The following CDH6 variants were observed in gnomAD, a reference collection of about 807,000 sequenced individuals.
CDH6 encodes the protein cadherin-6.
CDH6 carries 31 observed loss-of-function variants against 78.0 expected under a neutral mutation model. That is an observed-to-expected ratio of 0.40 (90% CI 0.30 to 0.54). The LOEUF is 0.54. CDH6 is among the 20% of genes least tolerant of loss of function. The pLI is 0.56. For synonymous variants in CDH6, 376 were observed against 368.8 expected (o/e 1.02, Z -0.23); for missense variants, 724 against 975.9 (o/e 0.74, Z 3.44).
chr5:31,279,853 C>T (rs962153043), intron 2 of CDH6, among the ~76,000 whole-genome samples: 4 of 152,138 alleles, frequency 2.6e-5, no homozygotes, highest in Non-Finnish European at 4.4e-5. Flanking sequence ...TCTGTCTATC[C>T]TCCCAACCAC....
intron 2 of CDH6, 132 bp from the exon 3 acceptor site, chr5:31,293,830 T>TA (rs200606558): frequency 0.13 from 53,412 of 416,698 alleles, 43 homozygotes; most frequent in Middle Eastern, 0.16. Flanking sequence ...ACGTAAATAG[T>TA]AAAAAAAAAA....
chr5:31,297,421 G>T lies in CDH6; in HGVS notation c.643+13G>T, dbSNP rs748813039. ...GAATCAGAAACAGGTTAGACTTTTT[G>T]ATCTTCCTTTTTATAATCTATAATT... On this transcript the variant is annotated intron_variant, in intron 4 of 11. Transcript: ENST00000265071. 1 of 1,578,732 alleles carries T rather than the reference G, an allele frequency of 6.3e-7. No individual in the cohort carries two copies. The highest frequency in any genetic ancestry group is 2.2e-5 in the East Asian group (1 of 44,548).
intron 1 of CDH6, among the ~76,000 whole-genome samples, chr5:31,264,167 G>A (rs2149931733): frequency 6.6e-6 from 1 of 152,246 alleles, no homozygotes; most frequent in South Asian, 2.1e-4. Flanking sequence ...GATTTTTCAA[G>A]TGTTTCTATT....
At chr5:31,320,598 A>T (rs1738454902) in intron 11 of CDH6, among the ~76,000 whole-genome samples, 2 of 152,156 alleles carry the variant, frequency 1.3e-5, no homozygotes, top group African/African-American at 4.8e-5. Flanking sequence ...TATGAAAGGT[A>T]GATCATGAGC....
At chr5:31,276,802 A>G (rs1039139318) in intron 2 of CDH6, among the ~76,000 whole-genome samples, 1 of 152,200 alleles carries the variant, frequency 6.6e-6, no homozygotes, top group Non-Finnish European at 1.5e-5. Context: ...CGATTCCTCA[A>G]CTGTTAAATG....
At chr5:31,214,142 A>G (rs866024160) in intron 1 of CDH6, among the ~76,000 whole-genome samples, 1 of 143,180 alleles carries the variant, frequency 7.0e-6, no homozygotes, top group South Asian at 2.1e-4. Flanking sequence ...CTGTGCCTTA[A>G]AAAAAAAAAA....
At chr5:31,208,114 G>C (rs1740587398) in intron 1 of CDH6, among the ~76,000 whole-genome samples, 1 of 152,228 alleles carries the variant, frequency 6.6e-6, no homozygotes, top group Non-Finnish European at 1.5e-5. Flanking sequence ...AGCTGTGACA[G>C]TTTAGCATTT....
At chr5:31,201,635 C>A (rs561512933) in intron 1 of CDH6, among the ~76,000 whole-genome samples, 2 of 152,056 alleles carry the variant, frequency 1.3e-5, no homozygotes, top group Non-Finnish European at 2.9e-5. Flanking sequence ...AATGTCAATC[C>A]TCTCCCCTTT....
At chr5:31,238,672 A>G (rs1741518739) in intron 1 of CDH6, among the ~76,000 whole-genome samples, 2 of 152,226 alleles carry the variant, frequency 1.3e-5, no homozygotes, top group Admixed American at 1.3e-4. Context: ...GAGATATTTT[A>G]CTTTGTTTTG....
intron 6 of CDH6, among the ~76,000 whole-genome samples, chr5:31,302,954 A>AGAAAGAAAGAAAGAAAGAAAGAAAGAAG (rs1491181731): frequency 1.8e-4 from 23 of 129,780 alleles, no homozygotes; most frequent in African/African-American, 5.9e-4. Context: ...AAAGAAAGAA[A>AGAAAGAAAGAAAGAAAGAAAGAAAGAAG]GAAGGAAAGA....
intron 1 of CDH6, among the ~76,000 whole-genome samples, chr5:31,202,550 C>T (rs889938452): frequency 1.3e-4 from 20 of 152,014 alleles, no homozygotes; most frequent in African/African-American, 1.9e-4. Flanking sequence ...GAGGGAGAAT[C>T]GCTGGAACCC....
At chr5:31,311,295 G>A (rs1418107169) in intron 7 of CDH6, among the ~76,000 whole-genome samples, 1 of 152,198 alleles carries the variant, frequency 6.6e-6, no homozygotes, top group Admixed American at 6.6e-5. Flanking sequence ...AGCAAAGCAA[G>A]AGTGACCTTT....
Position 31,267,438 on chromosome 5 carries a change from G to T in CDH6, c.-36G>T, listed in dbSNP as rs779691971. ...TGAAAAAGGCACTTCCAAGAGTGGG[G>T]CACTCACTACGCACAGACTCGACGG... is the stretch of plus-strand genomic sequence containing the variant. On this transcript the variant is annotated 5_prime_UTR_variant, in exon 2 of 12. Transcript: ENST00000265071. The T allele has an allele frequency of 2.7e-6, 4 of 1,501,670 alleles. No individual in the cohort carries two copies. The highest frequency in any genetic ancestry group is 2.3e-5 in the East Asian group (1 of 44,286). 93.0% of individuals were successfully genotyped at this position (1,501,670 alleles called of 1,614,324 possible).
At chr5:31,201,739 C>T (rs1280598216) in intron 1 of CDH6, among the ~76,000 whole-genome samples, 1 of 152,098 alleles carries the variant, frequency 6.6e-6, no homozygotes, top group Non-Finnish European at 1.5e-5. Flanking sequence ...AATGATTGAC[C>T]TGGTTCTCTT....
chr5:31,291,389 A>G (rs1216289566), intron 2 of CDH6, among the ~76,000 whole-genome samples: 1 of 152,240 alleles, frequency 6.6e-6, no homozygotes, highest in Non-Finnish European at 1.5e-5. Flanking sequence ...GTAATCTATA[A>G]GACCCATATT....
intron 2 of CDH6, among the ~76,000 whole-genome samples, 159 bp downstream of exon 2, chr5:31,267,860 G>C (rs545010365): frequency 6.6e-6 from 1 of 152,020 alleles, no homozygotes; most frequent in East Asian, 1.9e-4. Context: ...GTTTCGGGAA[G>C]AAGACTAGCA....
chr5:31,313,555 C>A, intron 8 of CDH6, 101 bp downstream of exon 8: 1 of 1,120,212 alleles, frequency 8.9e-7, no homozygotes, highest in Non-Finnish European at 1.3e-6. Context: ...GACAATCCCA[C>A]TTGATATATA....
chr5:31,216,199 G>A (rs1740858793), intron 1 of CDH6, among the ~76,000 whole-genome samples: 2 of 151,674 alleles, frequency 1.3e-5, no homozygotes, highest in Non-Finnish European at 2.9e-5. Flanking sequence ...AGTTTAAGAA[G>A]TTTGCTTGCA....
At chr5:31,247,225 TAG>T (rs1261729141) in intron 1 of CDH6, among the ~76,000 whole-genome samples, 1 of 152,178 alleles carries the variant, frequency 6.6e-6, no homozygotes, top group African/African-American at 2.4e-5. Context: ...GACTTAAAAA[TAG>T]CTAGTAGGTA....
Sources: allele counts gnomAD v4.1 joint callset (sites outside exome capture counted in the v4.1 genomes callset), GRCh38; gene constraint gnomAD v4.1.1; transcripts MANE v1.5; gene names NCBI Gene and HGNC (gene_info 2026-07-23, HGNC 2026-07-21).